Variants in DIAPH3 observed in about 807,000 individuals in gnomAD.
DIAPH3 encodes the protein diaphanous related formin 3.
Under a neutral mutation model 144.3 loss-of-function variants are expected in DIAPH3, and 117 were observed. The observed-to-expected ratio is 0.81, with a 90% CI of 0.70 to 0.95. The LOEUF (loss-of-function observed/expected upper bound fraction) is 0.95. Among genes scored for constraint, DIAPH3 ranks in the 40% least tolerant of loss-of-function variants. DIAPH3 has a pLI of 0.00. For missense variants in DIAPH3, 1,421 were observed against 1,412.7 expected, an observed-to-expected ratio of 1.01 and a Z score of -0.09; for synonymous variants, 519 against 488.9, an observed-to-expected ratio of 1.06 and a Z score of -0.81.
chr13:60,113,844 A>T (rs2058632918), intron 2 of DIAPH3, among the ~76,000 whole-genome samples: 1 of 152,198 alleles, frequency 6.6e-6, no homozygotes, highest in African/African-American at 2.4e-5. Context: ...AATTTCAAGG[A>T]GCCCCACATG....
intron 27 of DIAPH3, among the ~76,000 whole-genome samples, chr13:59,719,752 G>C (rs1272777962): frequency 6.6e-6 from 1 of 152,050 alleles, no homozygotes; most frequent in Non-Finnish European, 1.5e-5. Flanking sequence ...GCACTCTAGC[G>C]GTGAAATTGG....
intron 13 of DIAPH3, among the ~76,000 whole-genome samples, chr13:59,981,537 T>A (rs926504217): frequency 3.3e-5 from 5 of 150,698 alleles, no homozygotes; most frequent in South Asian, 2.1e-4. Flanking sequence ...TGAAAATAAC[T>A]TAAATGCCCA....
At chr13:59,783,661 A>G (rs988119791) in intron 25 of DIAPH3, among the ~76,000 whole-genome samples, 1 of 152,242 alleles carries the variant, frequency 6.6e-6, no homozygotes, top group Non-Finnish European at 1.5e-5. Flanking sequence ...GTTATTGGGC[A>G]TATTACTTAG....
chr13:60,082,468 G>A (rs892054746), intron 4 of DIAPH3, among the ~76,000 whole-genome samples: 1 of 151,244 alleles, frequency 6.6e-6, no homozygotes, highest in African/African-American at 2.4e-5. Context: ...ATATCCCAGA[G>A]AAAGAAAGAC....
chr13:59,793,053 C>T (rs546476179), intron 25 of DIAPH3, among the ~76,000 whole-genome samples: 1 of 150,120 alleles, frequency 6.7e-6, no homozygotes, highest in South Asian at 2.1e-4. Context: ...ATGGCCCTTC[C>T]TCTGCAAAGG....
intron 5 of DIAPH3, among the ~76,000 whole-genome samples, chr13:60,033,488 G>T (rs1042316835): frequency 6.6e-6 from 1 of 152,128 alleles, no homozygotes; most frequent in African/African-American, 2.4e-5. Flanking sequence ...CTTCTGGGTC[G>T]GCCTTAGGAA....
At chr13:60,052,977 A>AAAAAAAAAAAAAAG in intron 4 of DIAPH3, among the ~76,000 whole-genome samples, 1 of 147,798 alleles carries the variant, frequency 6.8e-6, no homozygotes, top group African/African-American at 2.5e-5. Flanking sequence ...AAAAAAAAAA[A>AAAAAAAAAAAAAAG]AAAGAAATAA....
chr13:59,809,310 T>C (rs985661837), intron 25 of DIAPH3, among the ~76,000 whole-genome samples: 2 of 152,180 alleles, frequency 1.3e-5, no homozygotes, highest in African/African-American at 2.4e-5. Flanking sequence ...AAGACCAGCC[T>C]GGCCAACACG....
intron 4 of DIAPH3, among the ~76,000 whole-genome samples, chr13:60,058,724 TA>T (rs58438659): frequency 3.3e-5 from 5 of 151,900 alleles, no homozygotes; most frequent in African/African-American, 1.2e-4. Context: ...TACTTGGCTA[TA>T]AAAAAAGAAC....
At position 59,805,503 on chromosome 13, in the gene DIAPH3, T is replaced by C. The variant is rs994523570; in HGVS notation, c.3163+5285A>G. 2.6e-5 allele frequency among the ~76,000 whole-genome samples: 4 copies of C among 152,018 alleles called. No individual in the cohort carries two copies. In the South Asian group the frequency reaches 8.3e-4, roughly 31 times the overall value. ...GTTTTCATGTCAGATGAATAGGTAC[T>C]TTTTAAATTAAAATAGTTCAAACTC... On this transcript the variant is annotated intron_variant, in intron 25 of 27. Coordinates refer to ENST00000400324, the MANE Select transcript of DIAPH3 (RefSeq NM_001042517.2).
intron 4 of DIAPH3, among the ~76,000 whole-genome samples, chr13:60,085,465 T>C (rs1290160202): frequency 6.6e-6 from 1 of 152,112 alleles, no homozygotes; most frequent in East Asian, 1.9e-4. Context: ...CTCGGCTGTA[T>C]CCTAGAATCA....
At chr13:59,832,910 A>G (rs1291771457) in intron 24 of DIAPH3, 197 bp downstream of exon 24, 9 of 553,772 alleles carry the variant, frequency 1.6e-5, no homozygotes, top group Admixed American at 2.9e-5. Flanking sequence ...ATGTCTGATT[A>G]CAGCTTAATG....
chr13:59,752,568 A>G (rs373307753), intron 27 of DIAPH3, among the ~76,000 whole-genome samples: 3 of 151,948 alleles, frequency 2.0e-5, no homozygotes, highest in African/African-American at 7.3e-5. Flanking sequence ...GGGTTTCGTC[A>G]TGTTGTGCAG....
chr13:59,725,024 G>C (rs1011342657), intron 27 of DIAPH3, among the ~76,000 whole-genome samples: 1 of 152,170 alleles, frequency 6.6e-6, no homozygotes, highest in Non-Finnish European at 1.5e-5. Flanking sequence ...GTTGTTAAAA[G>C]TGTTCTACTG....
rs2044861849 is a variant in DIAPH3, at chr13:59,879,473, T to C, written c.2368-5A>G. On this transcript the variant is annotated splice_polypyrimidine_tract_variant and splice_region_variant and intron_variant, in intron 20 of 27. Coordinates refer to ENST00000400324, the MANE Select transcript of DIAPH3 (RefSeq NM_001042517.2). Reference sequence around the variant, plus strand: ...TAGTCTCTTCACATTGCTCATCTGATTGAAAAGAAAACAGCAGATTTCCTT... The same window carrying C: ...TAGTCTCTTCACATTGCTCATCTGACTGAAAAGAAAACAGCAGATTTCCTT... 6.2e-7 allele frequency: 1 copy of C among 1,613,448 alleles called. No homozygotes were observed. Among genetic ancestry groups the C allele is most frequent in the Non-Finnish European group, 8.5e-7 (1 of 1,179,674 alleles).
intron 27 of DIAPH3, among the ~76,000 whole-genome samples, chr13:59,748,127 C>T (rs149346636): frequency 3.1e-4 from 47 of 152,220 alleles, no homozygotes; most frequent in African/African-American, 4.8e-4. Flanking sequence ...GGTAGAGTTC[C>T]GGGTACCAAA....
chr13:59,697,495 A>AAAATT (rs2033882362), intron 27 of DIAPH3, among the ~76,000 whole-genome samples: 1 of 131,766 alleles, frequency 7.6e-6, no homozygotes, highest in Admixed American at 7.8e-5. Context: ...AAAAAAAAAG[A>AAAATT]AGAGGGGATT....
intron 27 of DIAPH3, among the ~76,000 whole-genome samples, chr13:59,761,234 C>T (rs1362240161): frequency 6.6e-6 from 1 of 152,158 alleles, no homozygotes; most frequent in Non-Finnish European, 1.5e-5. Context: ...GCTATGCTAA[C>T]TACATCCCTG....
intron 17 of DIAPH3, among the ~76,000 whole-genome samples, chr13:59,966,431 A>G (rs776957484): frequency 2.4e-4 from 36 of 152,132 alleles, no homozygotes; most frequent in Non-Finnish European, 5.1e-4. Flanking sequence ...AAAAGATCTC[A>G]GCTGAGATAC....
Sources: allele counts gnomAD v4.1 joint callset (sites outside exome capture counted in the v4.1 genomes callset), GRCh38; gene constraint gnomAD v4.1.1; transcripts MANE v1.5; gene names NCBI Gene and HGNC (gene_info 2026-07-23, HGNC 2026-07-21).